The following SORCS2 variants were observed in gnomAD, a reference collection of about 807,000 sequenced individuals.
SORCS2 encodes VPS10 domain-containing receptor SorCS2.
In SORCS2, 100 loss-of-function variants were observed where a neutral mutation model predicts 141.6. The observed-to-expected ratio is 0.71, with a 90% CI of 0.60 to 0.83. SORCS2 has a LOEUF of 0.83. SORCS2 is among the 40% of genes least tolerant of loss of function. The probability of loss-of-function intolerance (pLI) is 0.00; values close to 1 mark genes in which losing one functional copy is unlikely to be tolerated. For synonymous variants in SORCS2, 789 were observed against 676.9 expected, an observed-to-expected ratio of 1.17 and a Z score of -2.57; for missense variants, 1,646 against 1,560.2, an observed-to-expected ratio of 1.05 and a Z score of -0.93.
chr4:7,362,446 C>T (rs1271531791), intron 1 of SORCS2, among the ~76,000 whole-genome samples: 1 of 152,168 alleles, frequency 6.6e-6, no homozygotes, highest in East Asian at 1.9e-4. Context: ...GCATTTTCTG[C>T]TGTATTTGGT....
chr4:7,488,603 G>A (rs748934289), intron 2 of SORCS2, among the ~76,000 whole-genome samples: 1 of 152,170 alleles, frequency 6.6e-6, no homozygotes, highest in Non-Finnish European at 1.5e-5. Flanking sequence ...CTGTCCCCAG[G>A]ACCTCCTTCC....
In SORCS2 at chr4:7,718,033, C is replaced by G; in HGVS notation, c.2274C>G (p.Asn758Lys). The change falls in exon 18 of 27, where the codon AAC (asparagine) becomes AAG (lysine). Residue 758 changes from asparagine (N) to lysine (K), a missense_variant. Transcript: ENST00000507866. ...SSLGYRKVVS[N>K]VCEGGVDMQQ... ...CCAGGTACCGGAAAGTGGTGTCCAA[C>G]GTGTGTGAGGGTGGGGTGGACATGC... The G allele has an allele frequency of 6.2e-7, 1 of 1,606,456 alleles. No individual in the cohort carries two copies. The highest frequency in any genetic ancestry group is 8.5e-7 in the Non-Finnish European group (1 of 1,176,440).
chr4:7,481,158 T>C (rs1730603933), intron 2 of SORCS2, among the ~76,000 whole-genome samples: 2 of 152,352 alleles, frequency 1.3e-5, no homozygotes, highest in South Asian at 2.1e-4. Flanking sequence ...TTACCCAGCA[T>C]GCACCTGAGT....
chr4:7,307,614 C>A (rs1445122948), intron 1 of SORCS2, among the ~76,000 whole-genome samples: 3 of 152,230 alleles, frequency 2.0e-5, no homozygotes, highest in African/African-American at 7.2e-5. Context: ...GGATTGAGGT[C>A]ATCATTTCTG....
At chr4:7,673,611 G>A (rs773287054) in intron 8 of SORCS2, among the ~76,000 whole-genome samples, 4 of 152,166 alleles carry the variant, frequency 2.6e-5, no homozygotes, top group Non-Finnish European at 4.4e-5. Flanking sequence ...ATTTGAAAAC[G>A]CTGGTGCGAG....
intron 1 of SORCS2, among the ~76,000 whole-genome samples, chr4:7,283,883 C>T (rs1253028225): frequency 6.6e-6 from 1 of 152,054 alleles, no homozygotes; most frequent in Non-Finnish European, 1.5e-5. Flanking sequence ...TGCTGGGAGC[C>T]ACTTGAGGAC....
chr4:7,717,020 G>A (rs887200157), intron 17 of SORCS2, among the ~76,000 whole-genome samples: 1 of 152,238 alleles, frequency 6.6e-6, no homozygotes, highest in African/African-American at 2.4e-5. Flanking sequence ...ATCAGCCTTG[G>A]GGAGACAGGT....
At chr4:7,225,240 G>A (rs960555891) in intron 1 of SORCS2, among the ~76,000 whole-genome samples, 1 of 152,222 alleles carries the variant, frequency 6.6e-6, no homozygotes, top group Non-Finnish European at 1.5e-5. Context: ...TGTGGGTACT[G>A]TGATCGTGGC....
At chr4:7,389,648 G>A (rs1723732184) in intron 1 of SORCS2, among the ~76,000 whole-genome samples, 1 of 152,206 alleles carries the variant, frequency 6.6e-6, no homozygotes, top group East Asian at 1.9e-4. Flanking sequence ...CCCTCCTGGG[G>A]TGCACAGGGT....
intron 1 of SORCS2, among the ~76,000 whole-genome samples, chr4:7,325,256 C>T (rs1171102603): frequency 6.6e-6 from 1 of 152,172 alleles, no homozygotes; most frequent in African/African-American, 2.4e-5. Context: ...GCTCCAACAC[C>T]TGCCAGCCAG....
rs148527440 is a variant in SORCS2 at position 7,413,907 on chromosome 4, C to T, written c.548+17552C>T. Reference sequence around the variant, plus strand: ...TGTGTGCCCTTTTCCTCCTGCCTATCGGATTGCAGGGTGCTGGGATTCTGG... The same window carrying T: ...TGTGTGCCCTTTTCCTCCTGCCTATTGGATTGCAGGGTGCTGGGATTCTGG... On this transcript the variant is annotated intron_variant, in intron 2 of 26. Transcript: ENST00000507866. 7.9e-3 allele frequency among the ~76,000 whole-genome samples: 1,209 copies of T among 152,198 alleles called. 17 individuals carry two copies. The highest frequency in any genetic ancestry group is 0.027 in the African/African-American group (1,111 of 41,520).
At chr4:7,477,865 C>T (rs1390731025) in intron 2 of SORCS2, among the ~76,000 whole-genome samples, 2 of 152,170 alleles carry the variant, frequency 1.3e-5, no homozygotes, top group African/African-American at 4.8e-5. Context: ...CTTCCAGAGT[C>T]CCCGAGTAGA....
chr4:7,389,413 C>T (rs1723714446), intron 1 of SORCS2, among the ~76,000 whole-genome samples: 1 of 152,120 alleles, frequency 6.6e-6, no homozygotes, highest in South Asian at 2.1e-4. Flanking sequence ...GCCCGTGGGC[C>T]CCACTGATGG....
intron 2 of SORCS2, among the ~76,000 whole-genome samples, chr4:7,486,926 C>G (rs1731024486): frequency 6.6e-6 from 1 of 152,244 alleles, no homozygotes; most frequent in African/African-American, 2.4e-5. Flanking sequence ...CAAATAAGGT[C>G]ACATTCAGAA....
At chr4:7,657,973 C>T (rs1721908231) in intron 5 of SORCS2, among the ~76,000 whole-genome samples, 1 of 148,620 alleles carries the variant, frequency 6.7e-6, no homozygotes, top group African/African-American at 2.5e-5. Flanking sequence ...GAATGAGTGA[C>T]TGAGTGAGTC....
rs1218986550 is a variant in SORCS2, at chr4:7,625,048, C to T, written c.649-13280C>T. On this transcript the variant is annotated intron_variant, in intron 3 of 26. Coordinates refer to ENST00000507866, the MANE Select transcript of SORCS2 (RefSeq NM_020777.3). ...CCTTATTTAGTTATTATCGATCAGA[C>T]CCAAGATTTTCCAAGTTAGCCTTCT... Among the ~76,000 whole-genome samples the T allele has an allele frequency of 3.3e-5, 5 of 152,208 alleles. No individual in the cohort carries two copies. The East Asian group carries it at 7.7e-4, about 23-fold the overall frequency.
At chr4:7,582,804 G>C (rs1029827806) in intron 3 of SORCS2, among the ~76,000 whole-genome samples, 1 of 152,120 alleles carries the variant, frequency 6.6e-6, no homozygotes, top group Non-Finnish European at 1.5e-5. Flanking sequence ...ACCTGGGTCA[G>C]CCAGTTCCCT....
chr4:7,608,176 C>T (rs1323022903), intron 3 of SORCS2, among the ~76,000 whole-genome samples: 3 of 152,150 alleles, frequency 2.0e-5, no homozygotes, highest in Non-Finnish European at 4.4e-5. Flanking sequence ...ACACACCAGC[C>T]TCCCTCGTCA....
chr4:7,247,223 C>T (rs1459850106), intron 1 of SORCS2, among the ~76,000 whole-genome samples: 2 of 152,130 alleles, frequency 1.3e-5, no homozygotes, highest in African/African-American at 4.8e-5. Context: ...ATTAGGAAGG[C>T]TTCAACCACC....
Sources: allele counts gnomAD v4.1 joint callset (sites outside exome capture counted in the v4.1 genomes callset), GRCh38; gene constraint gnomAD v4.1.1; transcripts MANE v1.5; gene names NCBI Gene and HGNC (gene_info 2026-07-23, HGNC 2026-07-21).